Variants in DMKN observed in about 807,000 individuals in gnomAD.
DMKN encodes the protein epidermis-specific secreted protein SK30/SK89.
Under a neutral mutation model 67.6 loss-of-function variants are expected in DMKN, and 58 were observed. The ratio of observed to expected loss-of-function variants is 0.86; its 90% confidence interval spans 0.69 to 1.07. DMKN has a LOEUF of 1.07. Among genes scored for constraint, DMKN ranks in the 50% least tolerant of loss-of-function variants. DMKN has a pLI of 0.00. For missense variants in DMKN, 596 were observed against 601.5 expected, an observed-to-expected ratio of 0.99 and a Z score of 0.10; for synonymous variants, 240 against 232.3, an observed-to-expected ratio of 1.03 and a Z score of -0.30.
rs892822241 is a variant in DMKN, at chr19:35,510,238, G to A, written c.933C>T (p.Gly311=). The change falls in exon 6 of 16, where the codon GGC becomes GGT. Residue 311 remains glycine, a synonymous_variant. Transcript: ENST00000339686. ...GSESSWGSST[G]SSSGNHGGSG... is the part of the protein sequence containing the mutation. ...TCCCACCGTGGTTGCCGGAGGAGGA[G>A]CCGGTGCTGGATCCCTGCAGGGGAA... 3 of 1,606,054 alleles carry A rather than the reference G, an allele frequency of 1.9e-6. No individual in the cohort carries two copies. The highest frequency in any genetic ancestry group is 2.6e-6 in the Non-Finnish European group (3 of 1,176,394).
chr19:35,502,698 CTG>C, intron 10 of DMKN, 130 bp downstream of exon 10: 2 of 896,258 alleles, frequency 2.2e-6, no homozygotes. Context: ...GAGCGAGACT[CTG>C]TCTCAAAAAA....
At chr19:35,511,942 A>T in intron 3 of DMKN, 129 bp from the exon 4 acceptor site, 2 of 817,080 alleles carry the variant, frequency 2.4e-6, no homozygotes, top group Non-Finnish European at 1.6e-6. Context: ...TGTTTCTCCC[A>T]CCTCCCCTTC....
intron 9 of DMKN, among the ~76,000 whole-genome samples, chr19:35,505,143 C>T (rs1032826794): frequency 1.3e-5 from 2 of 152,110 alleles, no homozygotes; most frequent in Non-Finnish European, 2.9e-5. Context: ...CCTTCCACTC[C>T]AGCCCCCTCT....
In DMKN at chr19:35,499,278, C is replaced by A. The variant is rs78616735; in HGVS notation, c.1360-381G>T. The A allele has an allele frequency of 6.5e-4, 188 of 290,610 alleles. 1 individual carries two copies. The Middle Eastern group carries it at 0.011, about 17-fold the overall frequency. 18.0% of individuals were successfully genotyped at this position (290,610 alleles called of 1,614,324 possible). A position where few individuals can be genotyped will look rare whatever the true frequency, so the allele number is the denominator to read the frequency against. On this transcript the variant is annotated intron_variant, in intron 13 of 15. Transcript: ENST00000339686. ...TAGAAGCTGCATGTCCCTCCTCTCA[C>A]CAGCCTGTAGTTTCTCGTCCCTCAG...
At chr19:35,503,382 G>A in intron 9 of DMKN, 2 of 1,551,482 alleles carry the variant, frequency 1.3e-6, no homozygotes, top group Non-Finnish European at 1.7e-6. Context: ...GAGGGAGTGT[G>A]GGGGCTCCCA....
Position 35,513,261 on chromosome 19 carries a change from C to T in DMKN, c.215G>A (p.Gly72Asp), listed in dbSNP as rs1317548034. ...GCCAACTGCTTCTCTGGTCCCTTGG[C>T]CAAGGGCCTCACTGACTTTAGAGCC... ...AAGSKVSEALGQGTREAVGTG... is the reference protein window; with the variant it reads ...AAGSKVSEALDQGTREAVGTG... The change falls in exon 1 of 16, where the codon GGC becomes GAC. Residue 72 changes from glycine (G) to aspartate (D), a missense_variant. Physicochemically the swap from Gly to Asp is moderately conservative, Grantham distance 94 (BLOSUM62 -1). Coordinates refer to ENST00000339686, the MANE Select transcript of DMKN (RefSeq NM_033317.5). The T allele has an allele frequency of 1.2e-6, 2 of 1,613,842 alleles. No individual in the cohort carries two copies. Among genetic ancestry groups the T allele is most frequent in the Non-Finnish European group, 1.7e-6 (2 of 1,179,886 alleles).
At chr19:35,511,993 CTTTTT>C (rs11285451) in intron 3 of DMKN, among the ~76,000 whole-genome samples, 180 bp from the exon 4 acceptor site, 3 of 113,066 alleles carry the variant, frequency 2.7e-5, no homozygotes, top group Admixed American at 1.0e-4. Flanking sequence ...TCTCTTCCTC[CTTTTT>C]TTTTTTTTTT....
In DMKN at chr19:35,512,663, C is replaced by T; in HGVS notation, c.554G>A (p.Gly185Glu). 6.2e-7 allele frequency: 1 copy of T among 1,614,214 alleles called. No homozygotes were observed. Among genetic ancestry groups the T allele is most frequent in the Non-Finnish European group, 8.5e-7 (1 of 1,180,038 alleles). Residue 185 changes from glycine to glutamate, a missense_variant, in exon 2 of 16, where the codon GGA (glycine) becomes GAA (glutamate). Transcript: ENST00000339686. ...GYPGNSAGSF[G>E]MNPQGAPWGQ... is the part of the protein sequence containing the mutation. ...CCAGGGAGCTCCCTGAGGATTCATTCCAAAGCTGCCTGCTGAGTTTCCGGG... is the reference window on the plus strand; with the variant it reads ...CCAGGGAGCTCCCTGAGGATTCATTTCAAAGCTGCCTGCTGAGTTTCCGGG...
intron 8 of DMKN, 31 bp downstream of exon 8, chr19:35,505,908 C>G (rs778998384): frequency 9.9e-6 from 16 of 1,614,022 alleles, no homozygotes; most frequent in Non-Finnish European, 1.4e-5. Flanking sequence ...TTTCCAAATG[C>G]GAGTGAACAG....
chr19:35,499,775 T>C, intron 13 of DMKN, 183 bp downstream of exon 13: 2 of 615,196 alleles, frequency 3.3e-6, no homozygotes, highest in South Asian at 4.0e-5. Context: ...CCTCCTGCCC[T>C]CCACTTCCAA....
chr19:35,503,482 T>TG (rs1568583398), intron 9 of DMKN: 16 of 1,537,808 alleles, frequency 1.0e-5, no homozygotes, highest in East Asian at 7.4e-5. Flanking sequence ...TTGTTTTTTT[T>TG]TTTTTTTTTT....
chr19:35,501,782 C>T (rs779370560), intron 11 of DMKN: 1 of 1,521,490 alleles, frequency 6.6e-7, no homozygotes, highest in South Asian at 1.2e-5. Context: ...TTCTTCCCCT[C>T]AATACGATCT....
At chr19:35,501,815 G>T (rs1478204311) in intron 11 of DMKN, 3 of 1,564,022 alleles carry the variant, frequency 1.9e-6, no homozygotes, top group Non-Finnish European at 2.6e-6. Flanking sequence ...GCACCCTGCG[G>T]TACCCACCCA....
intron 1 of DMKN, 88 bp downstream of exon 1, chr19:35,512,962 T>A: frequency 6.4e-7 from 1 of 1,568,700 alleles, no homozygotes; most frequent in Non-Finnish European, 8.6e-7. Context: ...AAGTAAGAGA[T>A]CCATCCATCC....
chr19:35,507,444 G>GC (rs1268459875), intron 7 of DMKN: 1 of 1,550,286 alleles, frequency 6.5e-7, no homozygotes, highest in South Asian at 1.2e-5. Flanking sequence ...AACCCTGCCT[G>GC]CCCCTAGGCT....
At position 35,500,360 on chromosome 19, in the gene DMKN, C is replaced by A. The variant is rs1200330671; in HGVS notation, c.1287+173G>T. On this transcript the variant is annotated intron_variant, in intron 12 of 15. Transcript: ENST00000339686. ...AGTGCCAGGACGTAACCCAGCGGGT[C>A]CATGGTAGATGTCTCACCTTGGAAG... 4 of 1,551,350 alleles carry A rather than the reference C, an allele frequency of 2.6e-6. No homozygotes were observed. In the African/African-American group the frequency reaches 5.5e-5, roughly 21 times the overall value.
chr19:35,499,829 G>A, intron 13 of DMKN, 129 bp downstream of exon 13: 1 of 920,546 alleles, frequency 1.1e-6, no homozygotes, highest in South Asian at 1.5e-5. Context: ...GGGGTGGGGA[G>A]GCCTGGACTC....
In DMKN at chr19:35,510,187, G is replaced by A. The variant is rs773588777; in HGVS notation, c.984C>T (p.Pro328=). 6.8e-6 allele frequency: 11 copies of A among 1,608,258 alleles called. No homozygotes were observed. The highest frequency in any genetic ancestry group is 6.7e-5 in the African/African-American group (5 of 74,770). ...GAGATTCACGCCAGCCACTCACCCCGGGTTTATGTCCATTTCCTCCGCCGC... is the reference window on the plus strand; with the variant it reads ...GAGATTCACGCCAGCCACTCACCCCAGGTTTATGTCCATTTCCTCCGCCGC... ...GGSGGGNGHK[P]GCEKPGNEAR... is the part of the protein sequence containing the mutation. Residue 328 remains proline (P), a synonymous_variant, in exon 6 of 16, where the codon CCC becomes CCT. Coordinates refer to ENST00000339686, the MANE Select transcript of DMKN (RefSeq NM_033317.5).
At position 35,511,503 on chromosome 19, in the gene DMKN, T is replaced by TGCCACTGCTGCC. The variant is rs750853267; in HGVS notation, c.825_826insGGCAGCAGTGGC (p.Gly275_Ser276insGlySerSerGly). On this transcript the variant is annotated inframe_insertion, in exon 5 of 16. Coordinates refer to ENST00000339686, the MANE Select transcript of DMKN (RefSeq NM_033317.5). ...CCGCCACTGCTGCCGCCACTGCTGC[T>TGCCACTGCTGCC]GCCACTGCTGCTGCCACCACTGCTG... 9 of 1,020,464 alleles carry TGCCACTGCTGCC rather than the reference T, an allele frequency of 8.8e-6. No individual in the cohort carries two copies. In the African/African-American group the frequency reaches 1.7e-4, roughly 19 times the overall value. 63.2% of individuals were successfully genotyped at this position (1,020,464 alleles called of 1,614,324 possible).
Sources: allele counts gnomAD v4.1 joint callset (sites outside exome capture counted in the v4.1 genomes callset), GRCh38; gene constraint gnomAD v4.1.1; transcripts MANE v1.5; gene names NCBI Gene and HGNC (gene_info 2026-07-23, HGNC 2026-07-21).